MLLT3: variants seen among roughly 807,000 people sequenced by gnomAD.
MLLT3 encodes the protein MLLT3 super elongation complex subunit.
MLLT3 carries 4 observed loss-of-function variants against 53.2 expected under a neutral mutation model. That is an observed-to-expected ratio of 0.08 (90% confidence interval 0.04 to 0.17). MLLT3 has a LOEUF of 0.17. Among genes scored for constraint, MLLT3 ranks in the 10% least tolerant of loss-of-function variants. The pLI is 1.00. For synonymous variants in MLLT3, 283 were observed against 230.6 expected (o/e 1.23, Z -2.06); for missense variants, 569 against 684.0 (o/e 0.83, Z 1.87).
At chr9:20,454,647 C>G (rs1823916317) in intron 3 of MLLT3, among the ~76,000 whole-genome samples, 1 of 152,040 alleles carries the variant, frequency 6.6e-6, no homozygotes, top group Non-Finnish European at 1.5e-5. Flanking sequence ...CTAGATTATT[C>G]CTATGGTGTA....
At chr9:20,491,679 C>T (rs567124232) in intron 2 of MLLT3, among the ~76,000 whole-genome samples, 2 of 152,110 alleles carry the variant, frequency 1.3e-5, no homozygotes, top group African/African-American at 4.8e-5. Context: ...AGTTATATTC[C>T]AAAACAGTAA....
In MLLT3 at chr9:20,365,739, T is replaced by C. The variant is rs752711402; in HGVS notation, c.1131A>G (p.Glu377=). 30 of 1,614,020 alleles carry C rather than the reference T, an allele frequency of 1.9e-5. No homozygotes were observed. The highest frequency in any genetic ancestry group is 2.5e-5 in the Non-Finnish European group (30 of 1,180,018). The change falls in exon 6 of 11, where the codon GAA becomes GAG. Residue 377 remains glutamate (E), a synonymous_variant. Transcript: ENST00000380338. ...EENISSKSDS[E]QPSPASSSSS... ...AGCTGGAGCTGGCAGGACTGGGTTG[T>C]TCAGACTTTAAAGAAGAATAAAAAG...
intron 2 of MLLT3, among the ~76,000 whole-genome samples, chr9:20,603,488 A>G (rs1000420304): frequency 1.3e-5 from 2 of 152,120 alleles, no homozygotes; most frequent in Admixed American, 1.3e-4. Flanking sequence ...AAAATTCTCA[A>G]TGTGAGTGAT....
chr9:20,480,021 G>A (rs982613164), intron 2 of MLLT3, among the ~76,000 whole-genome samples: 6 of 152,256 alleles, frequency 3.9e-5, no homozygotes, highest in South Asian at 2.1e-4. Context: ...AATATAAAAT[G>A]TGACCATATC....
intron 2 of MLLT3, among the ~76,000 whole-genome samples, chr9:20,502,104 G>C (rs1036879658): frequency 1.4e-5 from 2 of 143,976 alleles, no homozygotes; most frequent in African/African-American, 5.1e-5. Context: ...GGGGGGGGGG[G>C]GGACTACCTT....
At chr9:20,373,453 T>C (rs888466305) in intron 5 of MLLT3, among the ~76,000 whole-genome samples, 28 of 152,184 alleles carry the variant, frequency 1.8e-4, no homozygotes, top group African/African-American at 6.3e-4. Flanking sequence ...CCTGTCAAGG[T>C]AGATCACAGG....
intron 2 of MLLT3, among the ~76,000 whole-genome samples, chr9:20,575,991 C>T (rs545414860): frequency 7.0e-4 from 107 of 152,294 alleles, no homozygotes; most frequent in South Asian, 2.7e-3. Context: ...GCCGTTTCAC[C>T]TACATTGAAA....
chr9:20,400,067 C>T (rs1432138550), intron 5 of MLLT3, among the ~76,000 whole-genome samples: 1 of 151,886 alleles, frequency 6.6e-6, no homozygotes, highest in Non-Finnish European at 1.5e-5. Context: ...GATAATCTTA[C>T]ATTATAGGCC....
chr9:20,602,761 T>TACACACACACACACACACACAC (rs3086486), intron 2 of MLLT3, among the ~76,000 whole-genome samples: 1 of 147,184 alleles, frequency 6.8e-6, no homozygotes, highest in Non-Finnish European at 1.5e-5. Flanking sequence ...TTAAGTTTGA[T>TACACACACACACACACACACAC]ACACACACAC....
chr9:20,548,648 C>A (rs1233858614), intron 2 of MLLT3, among the ~76,000 whole-genome samples: 1 of 152,070 alleles, frequency 6.6e-6, no homozygotes, highest in Non-Finnish European at 1.5e-5. Flanking sequence ...AAAGTCATCC[C>A]CTGTCCCAGG....
Position 20,345,719 on chromosome 9 carries a change from A to G in MLLT3, c.*724T>C, listed in dbSNP as rs1242427216. On this transcript the variant is annotated 3_prime_UTR_variant, in exon 11 of 11. Transcript: ENST00000380338. The stretch of plus-strand genomic sequence containing the variant: ...GCATTTTCTACCATGGTCCAAGATC[A>G]TTACATGGATACAGCCAAGGACTGG... 1 of 218,968 alleles carries G rather than the reference A, an allele frequency of 4.6e-6. No homozygotes were observed. The highest frequency in any genetic ancestry group is 9.2e-6 in the Non-Finnish European group (1 of 108,848). The allele number at this position is 218,968 out of a possible 1,614,324, so 13.6% of individuals were successfully genotyped here.
intron 5 of MLLT3, among the ~76,000 whole-genome samples, chr9:20,375,159 C>G (rs543003262): frequency 2.0e-5 from 3 of 152,276 alleles, no homozygotes; most frequent in African/African-American, 7.2e-5. Context: ...TTATGGCAGC[C>G]CAAGCTGACT....
At chr9:20,457,309 T>G (rs1369342290) in intron 2 of MLLT3, among the ~76,000 whole-genome samples, 1 of 141,932 alleles carries the variant, frequency 7.0e-6, no homozygotes, top group Non-Finnish European at 1.5e-5. Flanking sequence ...AGTGCAATGG[T>G]GTGATCTTGG....
intron 5 of MLLT3, among the ~76,000 whole-genome samples, chr9:20,404,612 C>T (rs1378740802): frequency 9.2e-5 from 14 of 152,162 alleles, no homozygotes; most frequent in Admixed American, 8.5e-4. Flanking sequence ...TCAAGCAGTC[C>T]TTCTGCCTCA....
At chr9:20,516,443 A>G (rs1474812791) in intron 2 of MLLT3, among the ~76,000 whole-genome samples, 1 of 152,142 alleles carries the variant, frequency 6.6e-6, no homozygotes, top group East Asian at 1.9e-4. Context: ...CTTACCTCCA[A>G]AACTTTCATT....
intron 2 of MLLT3, among the ~76,000 whole-genome samples, chr9:20,529,232 T>C (rs932042375): frequency 2.0e-5 from 3 of 152,206 alleles, no homozygotes; most frequent in African/African-American, 7.2e-5. Context: ...GAAAAACCAC[T>C]AGCCCAACAG....
intron 2 of MLLT3, among the ~76,000 whole-genome samples, chr9:20,570,022 A>T (rs556309339): frequency 3.9e-5 from 6 of 152,196 alleles, no homozygotes; most frequent in Non-Finnish European, 7.4e-5. Flanking sequence ...TATTCTATAA[A>T]TGAAAGATCC....
intron 4 of MLLT3, among the ~76,000 whole-genome samples, chr9:20,422,097 G>A (rs149369826): frequency 6.6e-6 from 1 of 152,102 alleles, no homozygotes; most frequent in Non-Finnish European, 1.5e-5. Flanking sequence ...TCAATGGGCA[G>A]AAGACTAAAA....
intron 10 of MLLT3, among the ~76,000 whole-genome samples, chr9:20,352,139 C>A (rs914117986): frequency 6.6e-6 from 1 of 152,234 alleles, no homozygotes; most frequent in Non-Finnish European, 1.5e-5. Context: ...GCCAATGACA[C>A]CCCAAGGTAA....
Sources: allele counts gnomAD v4.1 joint callset (sites outside exome capture counted in the v4.1 genomes callset), GRCh38; gene constraint gnomAD v4.1.1; transcripts MANE v1.5; gene names NCBI Gene and HGNC (gene_info 2026-07-23, HGNC 2026-07-21).